TRIM33: variants seen among roughly 807,000 people sequenced by gnomAD.
The protein encoded by TRIM33 is tripartite motif containing 33.
A neutral mutation model predicts 125.4 loss-of-function variants in TRIM33; 20 were observed. The ratio of observed to expected loss-of-function variants is 0.16; its 90% CI spans 0.11 to 0.23. The LOEUF is 0.23. Among genes scored for constraint, TRIM33 ranks in the 10% least tolerant of loss-of-function variants. The pLI, the probability that TRIM33 is intolerant of heterozygous loss-of-function variation, is 1.00. For synonymous variants in TRIM33, 564 were observed against 513.9 expected (o/e 1.10, Z -1.32); for missense variants, 920 against 1,411.4 (o/e 0.65, Z 5.58).
chr1:114,420,343 C>A lies in TRIM33; in HGVS notation c.2061+1093G>T, dbSNP rs149177296. The stretch of plus-strand genomic sequence containing the variant: ...TCCTTTTCTCAGCCCAACTGACTAC[C>A]CCTTTGGATCTAACAGAAGAACAAC... On this transcript the variant is annotated intron_variant, in intron 11 of 19. Coordinates refer to ENST00000358465, the MANE Select transcript of TRIM33 (RefSeq NM_015906.4). 4,115 of 1,221,376 alleles carry A rather than the reference C, an allele frequency of 3.4e-3. 26 individuals carry two copies. The highest frequency in any genetic ancestry group is 0.014 in the African/African-American group (885 of 64,588). 75.7% of individuals were successfully genotyped at this position (1,221,376 alleles called of 1,614,324 possible). A position where few individuals can be genotyped will look rare whatever the true frequency, so the allele number is the denominator to read the frequency against.
intron 1 of TRIM33, among the ~76,000 whole-genome samples, chr1:114,469,949 A>T (rs1364240101): frequency 2.6e-5 from 4 of 152,258 alleles, no homozygotes; most frequent in African/African-American, 9.6e-5. Context: ...TCATAGAGTA[A>T]CATATATTTA....
intron 12 of TRIM33, among the ~76,000 whole-genome samples, chr1:114,409,007 T>C (rs1652417133): frequency 6.6e-6 from 1 of 152,172 alleles, no homozygotes; most frequent in Non-Finnish European, 1.5e-5. Flanking sequence ...CTGCCATCCC[T>C]CAACAAGTTA....
chr1:114,499,658 C>T (rs904019112), intron 1 of TRIM33, among the ~76,000 whole-genome samples: 1 of 152,126 alleles, frequency 6.6e-6, no homozygotes, highest in Non-Finnish European at 1.5e-5. Flanking sequence ...GAAGCAAATG[C>T]AAAATACCCT....
At chr1:114,443,385 AAATGAATGAATGAATG>A (rs372157103) in intron 4 of TRIM33, among the ~76,000 whole-genome samples, 5 of 149,974 alleles carry the variant, frequency 3.3e-5, no homozygotes, top group South Asian at 4.2e-4. Flanking sequence ...CTCCATCTCA[AAATGAATGAATGAATG>A]AATGAATGAA....
intron 1 of TRIM33, among the ~76,000 whole-genome samples, chr1:114,498,266 T>C (rs1355382852): frequency 1.3e-5 from 2 of 152,080 alleles, no homozygotes; most frequent in Non-Finnish European, 2.9e-5. Flanking sequence ...AGAAAAACAT[T>C]TGTATCCTCA....
intron 11 of TRIM33, among the ~76,000 whole-genome samples, chr1:114,413,603 AAG>A: frequency 6.8e-6 from 1 of 147,262 alleles, no homozygotes; most frequent in African/African-American, 2.5e-5. Context: ...TTTTTCTGAA[AAG>A]AAAAAGTCCA....
In TRIM33 at chr1:114,395,541, ACTG is replaced by A. The variant is rs1166426787; in HGVS notation, c.*2104_*2106del. ...CAAAGGCCTGACAAAATGAAGTTATACTGCTGCTATTCCTCACTTTCCAAAAAT... is the reference window on the plus strand; with the variant it reads ...CAAAGGCCTGACAAAATGAAGTTATACTGCTATTCCTCACTTTCCAAAAAT... On this transcript the variant is annotated 3_prime_UTR_variant, in exon 20 of 20. Coordinates refer to ENST00000358465, the MANE Select transcript of TRIM33 (RefSeq NM_015906.4). 2 of 202,174 alleles carry A rather than the reference ACTG, an allele frequency of 9.9e-6. No individual in the cohort carries two copies. The highest frequency in any genetic ancestry group is 2.0e-5 in the Non-Finnish European group (2 of 98,298). The allele number at this position is 202,174 out of a possible 1,614,324, so 12.5% of individuals were successfully genotyped here. A position where few individuals can be genotyped will look rare whatever the true frequency, so the allele number is the denominator to read the frequency against.
At position 114,427,300 on chromosome 1, in the gene TRIM33, A is replaced by G. The variant is rs1450477562; in HGVS notation, c.1303-6T>C. The stretch of plus-strand genomic sequence containing the variant: ...TGACGCAACTGGAAAGTAATCTTAA[A>G]GGGAAAAAAATCCACATTAGTCTCA... On this transcript the variant is annotated splice_region_variant and splice_polypyrimidine_tract_variant and intron_variant, in intron 7 of 19. Transcript: ENST00000358465. 2 of 1,463,780 alleles carry G rather than the reference A, an allele frequency of 1.4e-6. No individual in the cohort carries two copies. Among genetic ancestry groups the G allele is most frequent in the Admixed American group, 1.9e-5 (1 of 52,644 alleles). The allele number at this position is 1,463,780 out of a possible 1,614,324, so 90.7% of individuals were successfully genotyped here.
In TRIM33 at chr1:114,396,415, A is replaced by C. The variant is rs1317566103; in HGVS notation, c.*1233T>G. ...CATGCAAATGTCCCACTTGGTGGAC[A>C]GATGAGTAATCTAACCCCACCGGGT... On this transcript the variant is annotated 3_prime_UTR_variant, in exon 20 of 20. Coordinates refer to ENST00000358465, the MANE Select transcript of TRIM33 (RefSeq NM_015906.4). 1 of 199,688 alleles carries C rather than the reference A, an allele frequency of 5.0e-6. No individual in the cohort carries two copies. The highest frequency in any genetic ancestry group is 1.0e-5 in the Non-Finnish European group (1 of 96,484). The allele number at this position is 199,688 out of a possible 1,614,324, so 12.4% of individuals were successfully genotyped here. A position where few individuals can be genotyped will look rare whatever the true frequency, so the allele number is the denominator to read the frequency against.
intron 11 of TRIM33, among the ~76,000 whole-genome samples, chr1:114,413,570 AAAAGAAAAG>A (rs763124805): frequency 7.5e-6 from 1 of 132,942 alleles, no homozygotes; most frequent in Non-Finnish European, 1.6e-5. Flanking sequence ...AAAAAAAAAA[AAAAGAAAAG>A]AAAAGAAAAA....
At chr1:114,471,477 T>G (rs1003354939) in intron 1 of TRIM33, among the ~76,000 whole-genome samples, 1 of 150,726 alleles carries the variant, frequency 6.6e-6, no homozygotes, top group Non-Finnish European at 1.5e-5. Flanking sequence ...CTGCTAAATT[T>G]AAATAAACAC....
At chr1:114,466,352 T>C (rs1209746236) in intron 1 of TRIM33, among the ~76,000 whole-genome samples, 2 of 152,210 alleles carry the variant, frequency 1.3e-5, no homozygotes, top group African/African-American at 2.4e-5. Flanking sequence ...ACTATACTAG[T>C]GTGCAAGAAA....
At chr1:114,423,571 T>G (rs1198762811) in intron 10 of TRIM33, among the ~76,000 whole-genome samples, 1 of 152,098 alleles carries the variant, frequency 6.6e-6, no homozygotes, top group Non-Finnish European at 1.5e-5. Flanking sequence ...CTTTCTTTTT[T>G]TTTTGTTAAA....
chr1:114,450,542 T>C (rs1276116631), intron 4 of TRIM33, among the ~76,000 whole-genome samples: 1 of 152,134 alleles, frequency 6.6e-6, no homozygotes, highest in Non-Finnish European at 1.5e-5. Context: ...CTTTGGAAAC[T>C]AAAAATTTAC....
At chr1:114,453,129 C>T (rs1389189414) in intron 4 of TRIM33, among the ~76,000 whole-genome samples, 6 of 151,876 alleles carry the variant, frequency 4.0e-5, no homozygotes, top group Admixed American at 3.9e-4. Flanking sequence ...TTTGGGAAGC[C>T]GAGGTGGGCA....
intron 1 of TRIM33, among the ~76,000 whole-genome samples, chr1:114,483,891 G>C (rs1651507722): frequency 6.6e-6 from 1 of 152,142 alleles, no homozygotes; most frequent in South Asian, 2.1e-4. Flanking sequence ...CTGAGGAGTA[G>C]AGGAGTATTA....
At chr1:114,426,520 TTTA>T (rs932608556) in intron 8 of TRIM33, among the ~76,000 whole-genome samples, 23 of 150,298 alleles carry the variant, frequency 1.5e-4, no homozygotes, top group Admixed American at 4.6e-4. Flanking sequence ...TTTTTTTTTT[TTTA>T]AAAAAAAAGG....
At chr1:114,478,358 TGTCTGG>T (rs749239897) in intron 1 of TRIM33, among the ~76,000 whole-genome samples, 1 of 152,200 alleles carries the variant, frequency 6.6e-6, no homozygotes, top group Non-Finnish European at 1.5e-5. Context: ...AATTAGTATC[TGTCTGG>T]AAAGAACAGG....
intron 11 of TRIM33, among the ~76,000 whole-genome samples, chr1:114,410,759 C>T (rs912920313): frequency 6.9e-6 from 1 of 144,164 alleles, no homozygotes; most frequent in Non-Finnish European, 1.5e-5. Flanking sequence ...CTTAGCTTGA[C>T]ACACAAGGCC....
Sources: allele counts gnomAD v4.1 joint callset (sites outside exome capture counted in the v4.1 genomes callset), GRCh38; gene constraint gnomAD v4.1.1; transcripts MANE v1.5; gene names NCBI Gene and HGNC (gene_info 2026-07-23, HGNC 2026-07-21).